The following COMMD1 variants were observed in gnomAD, a reference collection of about 807,000 sequenced individuals.
COMMD1 encodes the protein COMM domain-containing protein 1.
Under a neutral mutation model 17.2 loss-of-function variants are expected in COMMD1, and 10 were observed. That is an observed-to-expected ratio of 0.58 (90% CI 0.36 to 0.99). The LOEUF (loss-of-function observed/expected upper bound fraction) is 0.99, where lower values mean the gene tolerates loss of function less well. Ranked by LOEUF, COMMD1 falls within the 50% of genes least tolerant of loss-of-function variation. COMMD1 has a pLI of 0.01. For missense variants in COMMD1, 270 were observed against 231.8 expected (o/e 1.17, Z -1.07); for synonymous variants, 97 against 91.6 (o/e 1.06, Z -0.34).
intron 1 of COMMD1, among the ~76,000 whole-genome samples, chr2:61,954,016 G>A (rs946231389): frequency 2.0e-5 from 3 of 151,970 alleles, no homozygotes; most frequent in Non-Finnish European, 4.4e-5. Flanking sequence ...TCAGGAGTTC[G>A]AGACCAGCCT....
chr2:62,049,799 C>T (rs1335126583), intron 2 of COMMD1, among the ~76,000 whole-genome samples: 1 of 151,950 alleles, frequency 6.6e-6, no homozygotes, highest in Non-Finnish European at 1.5e-5. Flanking sequence ...TGCTTTTGGT[C>T]CATTTCAATG....
intron 1 of COMMD1, among the ~76,000 whole-genome samples, chr2:61,894,825 A>G (rs1669519837): frequency 2.0e-5 from 3 of 151,864 alleles, no homozygotes; most frequent in Admixed American, 6.6e-5. Flanking sequence ...CAGACTCCCA[A>G]GTAGCTGGGA....
chr2:62,058,644 T>A (rs1200232109), intron 2 of COMMD1, among the ~76,000 whole-genome samples: 1 of 151,580 alleles, frequency 6.6e-6, no homozygotes, highest in Non-Finnish European at 1.5e-5. Flanking sequence ...GAGGCTGAGG[T>A]AAGAGGATTG....
At chr2:61,921,685 C>T (rs762363843) in intron 1 of COMMD1, among the ~76,000 whole-genome samples, 1 of 152,144 alleles carries the variant, frequency 6.6e-6, no homozygotes, top group Non-Finnish European at 1.5e-5. Flanking sequence ...TCTTGTGATC[C>T]ACCCGCCTTG....
upstream of COMMD1, chr2:61,888,672 G>T: frequency 1.3e-6 from 1 of 780,570 alleles, no homozygotes; most frequent in Non-Finnish European, 2.0e-6. Context: ...CTTCCTTGCC[G>T]CGCGGCGCTG....
At chr2:62,121,108 G>A (rs889827047) in intron 2 of COMMD1, among the ~76,000 whole-genome samples, 1 of 152,012 alleles carries the variant, frequency 6.6e-6, no homozygotes, top group African/African-American at 2.4e-5. Context: ...AGTGGCTCAC[G>A]CCTGTAATTC....
chr2:62,059,576 C>A (rs375874490), intron 2 of COMMD1, among the ~76,000 whole-genome samples: 1 of 152,084 alleles, frequency 6.6e-6, no homozygotes, highest in East Asian at 1.9e-4. Context: ...CCATAAGAAG[C>A]TTTTCAAAAG....
chr2:61,888,716 G>A (rs537331160), upstream of COMMD1: 59 of 578,870 alleles, frequency 1.0e-4, no homozygotes, highest in African/African-American at 1.1e-3. Context: ...TGCGCGCCGG[G>A]CGAGGAGGAT....
At chr2:62,096,650 GT>G (rs1672018219) in intron 2 of COMMD1, among the ~76,000 whole-genome samples, 2 of 152,146 alleles carry the variant, frequency 1.3e-5, no homozygotes, top group South Asian at 4.1e-4. Context: ...CCTATTAATT[GT>G]TTTTTAGTTT....
At chr2:62,034,390 C>T (rs547222535) in intron 2 of COMMD1, among the ~76,000 whole-genome samples, 10 of 152,144 alleles carry the variant, frequency 6.6e-5, no homozygotes, top group Admixed American at 6.5e-4. Context: ...ATCCCAGCTA[C>T]TCGGGAAGCT....
chr2:62,051,669 T>C (rs1269081893), intron 2 of COMMD1, among the ~76,000 whole-genome samples: 1 of 152,218 alleles, frequency 6.6e-6, no homozygotes, highest in Non-Finnish European at 1.5e-5. Context: ...GGTCTGACTC[T>C]TTCAGGAATG....
At chr2:62,060,400 C>A (rs1384006062) in intron 2 of COMMD1, among the ~76,000 whole-genome samples, 1 of 152,124 alleles carries the variant, frequency 6.6e-6, no homozygotes, top group Non-Finnish European at 1.5e-5. Flanking sequence ...CCACAGAATT[C>A]TGTTTATGAC....
At chr2:62,020,473 T>A (rs1482928486) in intron 2 of COMMD1, among the ~76,000 whole-genome samples, 1 of 151,706 alleles carries the variant, frequency 6.6e-6, no homozygotes, top group Non-Finnish European at 1.5e-5. Flanking sequence ...TTCCAACCTG[T>A]AGATGTTTGG....
chr2:61,965,346 T>C (rs923781649), intron 1 of COMMD1, among the ~76,000 whole-genome samples: 4 of 152,340 alleles, frequency 2.6e-5, no homozygotes, highest in Admixed American at 1.3e-4. Flanking sequence ...TGATAAAATA[T>C]GTTATTTATT....
At chr2:62,013,598 C>T (rs777010658) in intron 2 of COMMD1, among the ~76,000 whole-genome samples, 2 of 152,068 alleles carry the variant, frequency 1.3e-5, no homozygotes, top group Non-Finnish European at 2.9e-5. Flanking sequence ...GGTGAGATAA[C>T]GGCATGGAAA....
rs55740628 is a variant in COMMD1, at chr2:62,063,868, AATATAT to A, written c.462+62911_462+62916del. On this transcript the variant is annotated intron_variant, in intron 2 of 2. Coordinates refer to ENST00000311832, the MANE Select transcript of COMMD1 (RefSeq NM_152516.4). ...CAACATAGTGACACTGTCTCTACAA[AATATAT>A]ATATATATATATATATATATATATT... Among the ~76,000 whole-genome samples the A allele has an allele frequency of 2.6e-3, 212 of 81,166 alleles. 11 individuals are homozygous for A. The highest frequency in any genetic ancestry group is 7.9e-3 in the African/African-American group (162 of 20,468). 53.2% of individuals were successfully genotyped at this position (81,166 alleles called of 152,430 possible). A position where few individuals can be genotyped will look rare whatever the true frequency, so the allele number is the denominator to read the frequency against.
intron 1 of COMMD1, among the ~76,000 whole-genome samples, chr2:61,896,055 C>T (rs1669542620): frequency 6.6e-6 from 1 of 152,148 alleles, no homozygotes; most frequent in South Asian, 2.1e-4. Flanking sequence ...TAAAACTAGT[C>T]TATAAAGACT....
At chr2:62,010,069 G>A (rs956270407) in intron 2 of COMMD1, among the ~76,000 whole-genome samples, 5 of 152,234 alleles carry the variant, frequency 3.3e-5, no homozygotes, top group African/African-American at 1.2e-4. Context: ...TTGATGTATT[G>A]TAGATTAGAC....
chr2:61,977,662 A>G (rs979307785), intron 1 of COMMD1, among the ~76,000 whole-genome samples: 1 of 152,092 alleles, frequency 6.6e-6, no homozygotes, highest in Non-Finnish European at 1.5e-5. Context: ...ACTACTAGGT[A>G]AAAATATAGA....
Sources: allele counts gnomAD v4.1 joint callset (sites outside exome capture counted in the v4.1 genomes callset), GRCh38; gene constraint gnomAD v4.1.1; transcripts MANE v1.5; gene names NCBI Gene and HGNC (gene_info 2026-07-23, HGNC 2026-07-21).